MAPK10: variants seen among roughly 807,000 people sequenced by gnomAD.
The protein encoded by MAPK10 is JNK3 alpha protein kinase.
MAPK10 carries 25 observed loss-of-function variants against 59.3 expected under a neutral mutation model. The observed-to-expected ratio is 0.42, with a 90% CI of 0.31 to 0.59. The LOEUF (loss-of-function observed/expected upper bound fraction) is 0.59, where lower values mean the gene tolerates loss of function less well. Among genes scored for constraint, MAPK10 ranks in the 20% least tolerant of loss-of-function variants. MAPK10 has a pLI of 0.15. For synonymous variants in MAPK10, 190 were observed against 200.5 expected (o/e 0.95, Z 0.44); for missense variants, 351 against 568.9 (o/e 0.62, Z 3.90).
chr4:86,252,227 T>A lies in MAPK10; in HGVS notation c.-6-57820A>T, dbSNP rs2093478992. Among the ~76,000 whole-genome samples, 2 of 126,872 alleles carry A rather than the reference T, an allele frequency of 1.6e-5. 1 individual carries two copies. The highest frequency in any genetic ancestry group is 3.1e-5 in the Non-Finnish European group (2 of 64,348). 83.2% of individuals were successfully genotyped at this position (126,872 alleles called of 152,430 possible). A position where few individuals can be genotyped will look rare whatever the true frequency, so the allele number is the denominator to read the frequency against. ...TTTGGTTGCCATTGCTTTTGGTGTT[T>A]TGGACATGAAGTCCTTGCCCACGCC... is the stretch of plus-strand genomic sequence containing the variant. On this transcript the variant is annotated intron_variant, in intron 2 of 13. Coordinates refer to ENST00000641462, the MANE Select transcript of MAPK10 (RefSeq NM_138982.4).
intron 1 of MAPK10, chr4:86,358,212 A>G (rs1240879304): frequency 1.0e-6 from 1 of 985,004 alleles, no homozygotes; most frequent in Non-Finnish European, 1.2e-6. Flanking sequence ...GCTCACCTAA[A>G]GTAGAAAATT....
intron 2 of MAPK10, among the ~76,000 whole-genome samples, chr4:86,266,064 G>A (rs547277742): frequency 2.6e-5 from 4 of 152,314 alleles, no homozygotes; most frequent in Non-Finnish European, 4.4e-5. Flanking sequence ...TGGCAGAAAT[G>A]TGGTAAACTT....
intron 2 of MAPK10, among the ~76,000 whole-genome samples, chr4:86,281,732 T>C: frequency 6.6e-6 from 1 of 152,022 alleles, no homozygotes; most frequent in South Asian, 2.1e-4. Flanking sequence ...GAATGTCCCA[T>C]TTGCCCAGAA....
rs888057318 is a variant in MAPK10 at position 86,017,389 on chromosome 4, G to A, written c.1253-19C>T. The A allele has an allele frequency of 3.7e-6, 6 of 1,613,390 alleles. No homozygotes were observed. In the African/African-American group the frequency reaches 6.7e-5, roughly 18 times the overall value. On this transcript the variant is annotated intron_variant, in intron 13 of 13. Transcript: ENST00000641462. The surrounding 1 kb of genome is among the most constrained non-coding windows in gnomAD (Gnocchi z 4.4). ...GCTGCACCTGTGCTAAGAAAATGAAGACCAACATGACTCAATCTAGAACCA... is the reference window on the plus strand; with the variant it reads ...GCTGCACCTGTGCTAAGAAAATGAAAACCAACATGACTCAATCTAGAACCA...
chr4:86,059,985 CTCTCTGCCCTGAT>C (rs112728809), intron 11 of MAPK10, among the ~76,000 whole-genome samples: 4,183 of 152,282 alleles, frequency 0.027, 188 homozygotes, highest in African/African-American at 0.095. Flanking sequence ...CTCTACCTGC[CTCTCTGCCCTGAT>C]TCCCAGAGTA....
chr4:86,512,939 A>G (rs1015629086), intron 1 of MAPK10, among the ~76,000 whole-genome samples: 1 of 152,210 alleles, frequency 6.6e-6, no homozygotes, highest in African/African-American at 2.4e-5. Context: ...TCCATATCAT[A>G]ATGAGACTCT....
chr4:86,414,844 T>C (rs927045372), intron 1 of MAPK10, among the ~76,000 whole-genome samples: 2 of 152,084 alleles, frequency 1.3e-5, no homozygotes, highest in African/African-American at 4.8e-5. Context: ...CATGATATAA[T>C]ATCCATGTGG....
At chr4:86,329,039 G>A (rs1374678908) in intron 2 of MAPK10, among the ~76,000 whole-genome samples, 2 of 151,978 alleles carry the variant, frequency 1.3e-5, no homozygotes, top group Non-Finnish European at 2.9e-5. Flanking sequence ...TAAAAAAGAG[G>A]CTTCCTATAG....
At chr4:86,023,843 ATATAT>A (rs1401869467) in intron 13 of MAPK10, 1 of 135,240 alleles carries the variant, frequency 7.4e-6, no homozygotes, top group Non-Finnish European at 1.5e-5. Context: ...ATATATATAT[ATATAT>A]ATAAAATGAA....
chr4:86,073,394 T>A (rs1468707542), intron 9 of MAPK10, among the ~76,000 whole-genome samples: 1 of 151,200 alleles, frequency 6.6e-6, no homozygotes. Flanking sequence ...TCTATTTCCT[T>A]CAGTTCTGCT....
intron 1 of MAPK10, among the ~76,000 whole-genome samples, chr4:86,501,109 G>A (rs1163366703): frequency 2.6e-5 from 2 of 77,840 alleles, no homozygotes; most frequent in East Asian, 3.9e-4. Flanking sequence ...AACTCTCTAC[G>A]ATCTGAAAAA....
chr4:86,576,393 G>A (rs1033879782), intron 1 of MAPK10, among the ~76,000 whole-genome samples: 9 of 152,134 alleles, frequency 5.9e-5, no homozygotes, highest in Non-Finnish European at 1.0e-4. Context: ...GTGGGGGTGT[G>A]GCAGGTAGAG....
At chr4:86,356,940 C>G (rs924089467) in intron 1 of MAPK10, 11 of 152,176 alleles carry the variant, frequency 7.2e-5, no homozygotes, top group Non-Finnish European at 1.2e-4. Flanking sequence ...GAGGAAGGCA[C>G]TCAGCAGTCC....
chr4:86,039,359 C>CCA (rs1448138402), intron 11 of MAPK10, among the ~76,000 whole-genome samples: 1 of 152,148 alleles, frequency 6.6e-6, no homozygotes, highest in Non-Finnish European at 1.5e-5. Flanking sequence ...CAGATACCCT[C>CCA]CACATGATGG....
chr4:86,190,754 CTCTGA>C (rs1420172674), intron 3 of MAPK10, among the ~76,000 whole-genome samples: 4 of 152,086 alleles, frequency 2.6e-5, no homozygotes, highest in African/African-American at 9.7e-5. Context: ...TTCAGTTCTG[CTCTGA>C]TCTTAGTTAT....
chr4:86,231,036 G>A (rs1450516231), intron 2 of MAPK10, among the ~76,000 whole-genome samples: 2 of 152,162 alleles, frequency 1.3e-5, no homozygotes, highest in Non-Finnish European at 2.9e-5. Flanking sequence ...AATATGAATT[G>A]ATAAGCATTA....
At chr4:86,029,406 T>C (rs1752108280) in intron 12 of MAPK10, 132 bp from the exon 13 acceptor site, 1 of 624,236 alleles carries the variant, frequency 1.6e-6, no homozygotes, top group Non-Finnish European at 2.9e-6. Context: ...ATTCCTTTAC[T>C]GCTCTATTTC....
At chr4:86,104,455 A>G in intron 5 of MAPK10, among the ~76,000 whole-genome samples, 1 of 152,248 alleles carries the variant, frequency 6.6e-6, no homozygotes, top group East Asian at 1.9e-4. Context: ...ACTCAGTGCT[A>G]GTGAGTGTTG....
At position 86,495,671 on chromosome 4, in the gene MAPK10, T is replaced by C. The variant is rs537208927; in HGVS notation, c.-263+98239A>G. On this transcript the variant is annotated intron_variant, in intron 1 of 4. Coordinates refer to the MAPK10 transcript ENST00000502302. The stretch of plus-strand genomic sequence containing the variant: ...TGAGATATGGTAAATTATTATTGTA[T>C]TTTAAATATCTTTTAATTTTCATGT... 3.9e-5 allele frequency among the ~76,000 whole-genome samples: 6 copies of C among 152,346 alleles called. No homozygotes were observed. The South Asian group carries it at 1.2e-3, about 32-fold the overall frequency.
Sources: allele counts gnomAD v4.1 joint callset (sites outside exome capture counted in the v4.1 genomes callset), GRCh38; gene constraint gnomAD v4.1.1; non-coding constraint Gnocchi (gnomAD v3.1); transcripts MANE v1.5; gene names NCBI Gene and HGNC (gene_info 2026-07-23, HGNC 2026-07-21).